CPQ: variants seen among roughly 807,000 people sequenced by gnomAD.
CPQ encodes Ser-Met dipeptidase.
In CPQ, 37 loss-of-function variants were observed where a neutral mutation model predicts 45.7. The observed-to-expected ratio is 0.81, with a 90% CI of 0.62 to 1.07. The LOEUF (loss-of-function observed/expected upper bound fraction) is 1.07, where lower values mean the gene tolerates loss of function less well. Among genes scored for constraint, CPQ ranks in the 50% least tolerant of loss-of-function variants. The pLI is 0.00. For synonymous variants in CPQ, 186 were observed against 205.8 expected, an observed-to-expected ratio of 0.90 and a Z score of 0.82; for missense variants, 537 against 572.9, an observed-to-expected ratio of 0.94 and a Z score of 0.64.
chr8:96,680,965 T>C (rs1586356373), intron 1 of CPQ, among the ~76,000 whole-genome samples: 1 of 152,140 alleles, frequency 6.6e-6, no homozygotes, highest in Non-Finnish European at 1.5e-5. Flanking sequence ...TTGAAAGAGA[T>C]GATTTAGGGT....
intron 4 of CPQ, among the ~76,000 whole-genome samples, chr8:96,908,185 G>A (rs1260543084): frequency 1.3e-5 from 2 of 151,650 alleles, no homozygotes; most frequent in African/African-American, 4.8e-5. Context: ...AGAGGAGAGA[G>A]GGAGAAGAGA....
chr8:96,737,581 G>T (rs990050346), intron 1 of CPQ, among the ~76,000 whole-genome samples: 5 of 151,886 alleles, frequency 3.3e-5, no homozygotes, highest in African/African-American at 1.2e-4. Context: ...CTTTATATTT[G>T]CTGGAAGCTC....
intron 2 of CPQ, among the ~76,000 whole-genome samples, chr8:96,813,600 G>C (rs1811186232): frequency 6.6e-6 from 1 of 152,132 alleles, no homozygotes; most frequent in South Asian, 2.1e-4. Context: ...CAGTTTGGTG[G>C]CCAGAGCTGG....
intron 6 of CPQ, among the ~76,000 whole-genome samples, chr8:97,040,734 A>G (rs1586508973): frequency 6.6e-6 from 1 of 152,296 alleles, no homozygotes; most frequent in Admixed American, 6.5e-5. Context: ...CATTTATTAA[A>G]TAGGGAATCC....
At chr8:96,897,086 T>C (rs1160229038) in intron 4 of CPQ, among the ~76,000 whole-genome samples, 2 of 152,204 alleles carry the variant, frequency 1.3e-5, no homozygotes, top group Non-Finnish European at 1.5e-5. Context: ...TACTTTGTTA[T>C]TGCTTTTCAT....
chr8:97,088,700 TAGG>T (rs1472828326), intron 7 of CPQ, among the ~76,000 whole-genome samples: 6 of 152,302 alleles, frequency 3.9e-5, no homozygotes, highest in African/African-American at 1.4e-4. Flanking sequence ...TATTAGTTTC[TAGG>T]AGATTTTTGC....
chr8:96,864,950 C>T (rs1811977256), intron 3 of CPQ, among the ~76,000 whole-genome samples: 1 of 151,878 alleles, frequency 6.6e-6, no homozygotes, highest in Admixed American at 6.6e-5. Context: ...AAATTTGAGC[C>T]AGAGTGTCTC....
intron 7 of CPQ, among the ~76,000 whole-genome samples, chr8:97,074,943 AAG>A (rs1190006200): frequency 6.6e-6 from 1 of 152,116 alleles, no homozygotes. Flanking sequence ...CCAGATGAAA[AAG>A]AGTCATAAAT....
chr8:96,912,713 AAGG>A (rs1402947869), intron 4 of CPQ, among the ~76,000 whole-genome samples: 1 of 152,198 alleles, frequency 6.6e-6, no homozygotes, highest in Non-Finnish European at 1.5e-5. Context: ...ACCTACCTCG[AAGG>A]AGTATTAAGA....
chr8:97,138,950 A>G (rs1812108151), intron 7 of CPQ, among the ~76,000 whole-genome samples: 1 of 152,118 alleles, frequency 6.6e-6, no homozygotes, highest in Admixed American at 6.5e-5. Flanking sequence ...AAGGCAAGAA[A>G]GAAAGAAAAA....
rs768437619 is a variant in CPQ, at chr8:97,088,390, G to C, written c.1255+22180G>C. 7.1e-4 allele frequency among the ~76,000 whole-genome samples: 108 copies of C among 152,278 alleles called. 1 individual carries two copies. The highest frequency in any genetic ancestry group is 2.9e-4 in the Non-Finnish European group (20 of 68,018). ...GGAAAAGATTCATTGGCTTCACTTA[G>C]TTCATGTTGTTTGGTTCTATATACT... is the stretch of plus-strand genomic sequence containing the variant. On this transcript the variant is annotated intron_variant, in intron 7 of 7. Transcript: ENST00000220763.
intron 7 of CPQ, among the ~76,000 whole-genome samples, chr8:97,113,413 T>A (rs1669239985): frequency 6.6e-6 from 1 of 152,106 alleles, no homozygotes; most frequent in Admixed American, 6.5e-5. Flanking sequence ...GATGAGTGAA[T>A]GAATGTTTGG....
intron 1 of CPQ, among the ~76,000 whole-genome samples, chr8:96,746,848 G>A (rs530816121): frequency 1.3e-4 from 20 of 152,342 alleles, no homozygotes; most frequent in Non-Finnish European, 2.5e-4. Context: ...TCAGGAGGCT[G>A]AGAATTGCCA....
intron 4 of CPQ, among the ~76,000 whole-genome samples, chr8:96,954,259 CT>C (rs1038730880): frequency 1.3e-5 from 2 of 150,644 alleles, no homozygotes; most frequent in East Asian, 2.0e-4. Context: ...ACTTTTCTTT[CT>C]TTTTTTTTAA....
At chr8:96,890,490 G>A (rs1364217073) in intron 4 of CPQ, among the ~76,000 whole-genome samples, 1 of 152,172 alleles carries the variant, frequency 6.6e-6, no homozygotes, top group East Asian at 1.9e-4. Flanking sequence ...GGATTGGGTT[G>A]TTGTAGTTTC....
chr8:97,036,867 A>G (rs1395422727), intron 6 of CPQ, among the ~76,000 whole-genome samples: 1 of 152,194 alleles, frequency 6.6e-6, no homozygotes, highest in Non-Finnish European at 1.5e-5. Flanking sequence ...TTCCTGATTT[A>G]TTGCACAAAC....
chr8:96,888,466 A>C (rs1404549084), intron 4 of CPQ, among the ~76,000 whole-genome samples: 1 of 152,206 alleles, frequency 6.6e-6, no homozygotes, highest in African/African-American at 2.4e-5. Flanking sequence ...TCATCACACT[A>C]ATGGTAAATT....
intron 1 of CPQ, among the ~76,000 whole-genome samples, chr8:96,726,444 G>C (rs1310756040): frequency 6.6e-6 from 1 of 152,064 alleles, no homozygotes; most frequent in Non-Finnish European, 1.5e-5. Context: ...TCTACAGGAG[G>C]CATGATGCTA....
chr8:96,748,209 T>G (rs1454865147), intron 1 of CPQ, among the ~76,000 whole-genome samples: 1 of 152,240 alleles, frequency 6.6e-6, no homozygotes, highest in African/African-American at 2.4e-5. Flanking sequence ...ATTTTTGGTG[T>G]TGTTTTTGTC....
Sources: allele counts gnomAD v4.1 joint callset (sites outside exome capture counted in the v4.1 genomes callset), GRCh38; gene constraint gnomAD v4.1.1; transcripts MANE v1.5; gene names NCBI Gene and HGNC (gene_info 2026-07-23, HGNC 2026-07-21).